The following CACNA2D2 variants were observed in gnomAD, a reference collection of about 807,000 sequenced individuals.
CACNA2D2 encodes the protein voltage-dependent calcium channel subunit alpha-2/delta-2.
Under a neutral mutation model 166.4 loss-of-function variants are expected in CACNA2D2, and 48 were observed. The observed-to-expected ratio is 0.29, with a 90% CI of 0.23 to 0.37. CACNA2D2 has a LOEUF of 0.37. Ranked by LOEUF, CACNA2D2 falls within the 10% of genes least tolerant of loss-of-function variation. CACNA2D2 has a pLI of 1.00. For missense variants in CACNA2D2, 1,122 were observed against 1,433.0 expected, an observed-to-expected ratio of 0.78 and a Z score of 3.50; for synonymous variants, 561 against 573.7, an observed-to-expected ratio of 0.98 and a Z score of 0.32.
At chr3:50,399,303 G>T (rs1706320672) in intron 3 of CACNA2D2, among the ~76,000 whole-genome samples, 1 of 152,238 alleles carries the variant, frequency 6.6e-6, no homozygotes, top group Non-Finnish European at 1.5e-5. Flanking sequence ...TTTCTGCACA[G>T]CCCAGAGGGA....
chr3:50,372,922 G>A (rs941629050), intron 22 of CACNA2D2: 10 of 662,214 alleles, frequency 1.5e-5, no homozygotes, highest in East Asian at 2.7e-5. Flanking sequence ...GGAAAGGCAA[G>A]AACTAGAGGA....
rs1387611420 is a variant in CACNA2D2, at chr3:50,375,998, G to C, written c.1738C>G (p.Leu580Val). 1 of 1,613,382 alleles carries C rather than the reference G, an allele frequency of 6.2e-7. No homozygotes were observed. Among genetic ancestry groups the C allele is most frequent in the East Asian group, 2.2e-5 (1 of 44,888 alleles). The change falls in exon 19 of 38, where the codon CTG becomes GTG. Residue 580 changes from leucine (L) to valine (V), a missense_variant. Leu to Val is a conservative substitution (Grantham distance 32, BLOSUM62 1). Coordinates refer to ENST00000424201, the MANE Select transcript of CACNA2D2 (RefSeq NM_006030.4). This position sits in a 1 kb window ranked among gnomAD's most constrained non-coding sequence, Gnocchi z 4.0. ...TTCTCATCCTCTAGCTCCGCATCCAGGAAGTCCAGAGTCACAGGCTCCCGG... is the reference window on the plus strand; with the variant it reads ...TTCTCATCCTCTAGCTCCGCATCCACGAAGTCCAGAGTCACAGGCTCCCGG... ...NFREPVTLDFLDAELEDENKE... is the reference protein window; with the variant it reads ...NFREPVTLDFVDAELEDENKE...
intron 2 of CACNA2D2, among the ~76,000 whole-genome samples, chr3:50,454,055 A>G (rs1275238373): frequency 2.0e-5 from 3 of 152,178 alleles, no homozygotes; most frequent in Non-Finnish European, 4.4e-5. Flanking sequence ...TGATTGGCTC[A>G]TCAAGGGCAA....
rs748128318 is a variant in CACNA2D2 at position 50,375,809 on chromosome 3, C to T, written c.1845G>A (p.Glu615=). ...QIRTLVKSLD[E]RYIDEVTRNY... is the part of the protein sequence containing the mutation. ...CTGGCCCCCAGCCCTGCCTCCTTAC[C>T]TCATCCAGGGACTTGACCAACGTTC... Residue 615 remains glutamate (E), a splice_region_variant and synonymous_variant, in exon 20 of 38, where the codon GAG becomes GAA. Transcript: ENST00000424201. The surrounding 1 kb of genome is among the most constrained non-coding windows in gnomAD (Gnocchi z 4.0). 27 of 1,613,040 alleles carry T rather than the reference C, an allele frequency of 1.7e-5. 1 individual carries two copies. The South Asian group carries it at 2.9e-4, about 17-fold the overall frequency.
intron 2 of CACNA2D2, among the ~76,000 whole-genome samples, chr3:50,434,817 G>A (rs1359581260): frequency 2.6e-5 from 4 of 152,214 alleles, no homozygotes; most frequent in African/African-American, 4.8e-5. Context: ...AGGTTGAGGC[G>A]AGATGGAGTC....
chr3:50,486,847 C>CT (rs1698303933), intron 1 of CACNA2D2, among the ~76,000 whole-genome samples: 1 of 152,236 alleles, frequency 6.6e-6, no homozygotes, highest in Non-Finnish European at 1.5e-5. Flanking sequence ...ACCAGAACAT[C>CT]TTCCGCCTAC....
intron 3 of CACNA2D2, among the ~76,000 whole-genome samples, chr3:50,414,182 C>G (rs1707163025): frequency 6.6e-6 from 1 of 152,098 alleles, no homozygotes; most frequent in Non-Finnish European, 1.5e-5. Flanking sequence ...GCTCTGGACC[C>G]GCAAAAACAG....
At chr3:50,436,607 A>G (rs1317280240) in intron 2 of CACNA2D2, among the ~76,000 whole-genome samples, 1 of 152,202 alleles carries the variant, frequency 6.6e-6, no homozygotes, top group Non-Finnish European at 1.5e-5. Flanking sequence ...CTGATCTATT[A>G]AATGAGAGAA....
chr3:50,373,184 T>G, intron 22 of CACNA2D2: 1 of 979,294 alleles, frequency 1.0e-6, no homozygotes, highest in Non-Finnish European at 1.5e-6. Flanking sequence ...GCACAAACAA[T>G]ATTTTATTCA....
chr3:50,366,933 C>T lies in CACNA2D2; in HGVS notation c.2501-14G>A, dbSNP rs1427772536. 1.9e-6 allele frequency: 3 copies of T among 1,613,756 alleles called. No homozygotes were observed. The highest frequency in any genetic ancestry group is 1.7e-6 in the Non-Finnish European group (2 of 1,179,978). ...TGACGCCCACCACTTTGGGGGAGAG[C>T]AAGGGACCATCAGTGCTACCTGCCC... On this transcript the variant is annotated splice_polypyrimidine_tract_variant and intron_variant, in intron 28 of 37. Transcript: ENST00000424201. The surrounding 1 kb of genome is among the most constrained non-coding windows in gnomAD (Gnocchi z 5.9).
In CACNA2D2 at chr3:50,375,709, G is replaced by A; in HGVS notation, c.1846-4C>T. ...GTGTCACCTCATCTATGTACCTCTGGGAGAGGAGGCTGGGTCAGGTACTTG... is the reference window on the plus strand; with the variant it reads ...GTGTCACCTCATCTATGTACCTCTGAGAGAGGAGGCTGGGTCAGGTACTTG... On this transcript the variant is annotated splice_polypyrimidine_tract_variant and splice_region_variant and intron_variant, in intron 20 of 37. Coordinates refer to ENST00000424201, the MANE Select transcript of CACNA2D2 (RefSeq NM_006030.4). This position sits in a 1 kb window ranked among gnomAD's most constrained non-coding sequence, Gnocchi z 4.0. The A allele has an allele frequency of 6.2e-7, 1 of 1,613,302 alleles. No homozygotes were observed. The highest frequency in any genetic ancestry group is 8.5e-7 in the Non-Finnish European group (1 of 1,179,938).
In CACNA2D2 at chr3:50,402,853, C is replaced by G. The variant is rs187231795; in HGVS notation, c.406-8685G>C. Reference sequence around the variant, plus strand: ...CATTTCTCTCATCCTTAGAAAAAACCATGCAGATAGCATTGGGTGAGGGTA... The same window carrying G: ...CATTTCTCTCATCCTTAGAAAAAACGATGCAGATAGCATTGGGTGAGGGTA... On this transcript the variant is annotated intron_variant, in intron 3 of 37. Coordinates refer to ENST00000424201, the MANE Select transcript of CACNA2D2 (RefSeq NM_006030.4). Among the ~76,000 whole-genome samples, 779 of 152,334 alleles carry G rather than the reference C, an allele frequency of 5.1e-3. 10 individuals carry two copies. Among genetic ancestry groups the G allele is most frequent in the African/African-American group, 0.018 (733 of 41,582 alleles).
At chr3:50,431,592 T>A (rs551347314) in intron 3 of CACNA2D2, among the ~76,000 whole-genome samples, 2 of 152,214 alleles carry the variant, frequency 1.3e-5, no homozygotes, top group Non-Finnish European at 2.9e-5. Context: ...AGCCAGGGCT[T>A]CCTTCTCCGG....
Position 50,365,163 on chromosome 3 carries a change from C to A in CACNA2D2, c.3120G>T (p.Leu1040=), listed in dbSNP as rs201510851. 1.9e-6 allele frequency: 3 copies of A among 1,612,158 alleles called. No homozygotes were observed. The highest frequency in any genetic ancestry group is 1.1e-5 in the South Asian group (1 of 91,070). ...CCACAAAGAGAAGATTGGTGTTGGTCAGTCTCTGCGCGTGGAACAGCCTGC... is the reference window on the plus strand; with the variant it reads ...CCACAAAGAGAAGATTGGTGTTGGTAAGTCTCTGCGCGTGGAACAGCCTGC... ...NCSRLFHAQR[L]TNTNLLFVVA... is the part of the protein sequence containing the mutation. The change falls in exon 36 of 38, where the codon CTG becomes CTT. Residue 1040 remains leucine (L), a synonymous_variant. Coordinates refer to ENST00000424201, the MANE Select transcript of CACNA2D2 (RefSeq NM_006030.4). This position sits in a 1 kb window ranked among gnomAD's most constrained non-coding sequence, Gnocchi z 4.5.
chr3:50,473,176 T>G (rs1710170882), intron 2 of CACNA2D2, among the ~76,000 whole-genome samples: 1 of 152,052 alleles, frequency 6.6e-6, no homozygotes, highest in South Asian at 2.1e-4. Context: ...TCACAGGGAG[T>G]GCCCACATGC....
intron 2 of CACNA2D2, among the ~76,000 whole-genome samples, chr3:50,466,757 T>C (rs1709843292): frequency 6.6e-6 from 1 of 152,216 alleles, no homozygotes; most frequent in African/African-American, 2.4e-5. Flanking sequence ...TGCACTCAGG[T>C]GGACTCCTGG....
At chr3:50,377,826 G>A (rs1205199978) in intron 15 of CACNA2D2, 23 bp from the exon 16 acceptor site, 3 of 1,605,596 alleles carry the variant, frequency 1.9e-6, no homozygotes, top group South Asian at 2.2e-5. Flanking sequence ...GAAGATGATG[G>A]AGTCACCTGT....
chr3:50,389,591 T>G (rs1011425316), intron 4 of CACNA2D2, among the ~76,000 whole-genome samples: 5 of 152,236 alleles, frequency 3.3e-5, no homozygotes, highest in Non-Finnish European at 5.9e-5. Flanking sequence ...GGGTCCTGCC[T>G]GCACCTGGGT....
chr3:50,412,206 G>C (rs2106803757), intron 3 of CACNA2D2, among the ~76,000 whole-genome samples: 1 of 152,294 alleles, frequency 6.6e-6, no homozygotes, highest in South Asian at 2.1e-4. Flanking sequence ...TTTGCCAAAT[G>C]AGTTGGGGAA....
Sources: gnomAD v4.1 joint callset for allele counts (sites outside exome capture counted in the v4.1 genomes callset) on GRCh38, gnomAD v4.1.1 for gene constraint, Gnocchi (gnomAD v3.1) non-coding constraint, MANE v1.5 for transcripts, NCBI Gene and HGNC (gene_info 2026-07-23, HGNC 2026-07-21) for gene names.